The following SNAP47 variants were observed in gnomAD, a reference collection of about 807,000 sequenced individuals.
SNAP47 encodes synaptosome associated protein 47.
SNAP47 carries 20 observed loss-of-function variants against 31.4 expected under a neutral mutation model. The ratio of observed to expected loss-of-function variants is 0.64; its 90% CI spans 0.45 to 0.93. The LOEUF (loss-of-function observed/expected upper bound fraction) is 0.93, where lower values mean the gene tolerates loss of function less well. Ranked by LOEUF, SNAP47 falls within the 40% of genes least tolerant of loss-of-function variation. The pLI, the probability that SNAP47 is intolerant of heterozygous loss-of-function variation, is 0.00. For synonymous variants in SNAP47, 194 were observed against 213.4 expected (o/e 0.91, Z 0.79); for missense variants, 492 against 528.5 (o/e 0.93, Z 0.68).
In SNAP47 at chr1:227,741,936, T is replaced by C. The variant is rs1234202847; in HGVS notation, c.-45-5756T>C. The stretch of plus-strand genomic sequence containing the variant: ...TGTTGTCAAACTTGAATACTTTCCT[T>C]ATATTTATTGTTTAAAATGTGATAA... On this transcript the variant is annotated intron_variant, in intron 1 of 4. Coordinates refer to ENST00000617596, the MANE Select transcript of SNAP47 (RefSeq NM_053052.4). This position sits in a 1 kb window ranked among gnomAD's most constrained non-coding sequence, Gnocchi z 4.2. Among the ~76,000 whole-genome samples the C allele has an allele frequency of 6.6e-6, 1 of 152,186 alleles. No homozygotes were observed. Among genetic ancestry groups the C allele is most frequent in the East Asian group, 1.9e-4 (1 of 5,198 alleles).
intron 1 of SNAP47, among the ~76,000 whole-genome samples, chr1:227,736,807 C>T (rs1199300602): frequency 6.6e-6 from 1 of 150,654 alleles, no homozygotes; most frequent in Non-Finnish European, 1.5e-5. Context: ...CAGGTGTGAG[C>T]CACTGCGCCA....
At chr1:227,751,824 C>T (rs1231742379) in intron 2 of SNAP47, among the ~76,000 whole-genome samples, 3 of 118,946 alleles carry the variant, frequency 2.5e-5, no homozygotes, top group Admixed American at 1.2e-4. Flanking sequence ...AGTGCAGTGG[C>T]GCGATCTCTG....
chr1:227,754,297 C>G (rs905140877), intron 2 of SNAP47, among the ~76,000 whole-genome samples: 3 of 152,200 alleles, frequency 2.0e-5, no homozygotes, highest in Admixed American at 6.5e-5. Flanking sequence ...CTGATGTGCT[C>G]CTCTTGAGGT....
intron 2 of SNAP47, among the ~76,000 whole-genome samples, chr1:227,750,351 G>A (rs879477317): frequency 6.6e-6 from 1 of 152,260 alleles, no homozygotes; most frequent in Non-Finnish European, 1.5e-5. Flanking sequence ...CAGGTTGCAC[G>A]GGGCCTGCCC....
At chr1:227,768,322 C>T (rs911115019) in intron 4 of SNAP47, 11 of 985,292 alleles carry the variant, frequency 1.1e-5, no homozygotes, top group South Asian at 4.7e-5. Context: ...TCTGTGTCCA[C>T]GCAGGGCATG....
intron 2 of SNAP47, among the ~76,000 whole-genome samples, chr1:227,748,439 A>G (rs1662123972): frequency 6.6e-6 from 1 of 152,164 alleles, no homozygotes; most frequent in Non-Finnish European, 1.5e-5. Context: ...TACACGGTAC[A>G]CTCTGCTGGA....
chr1:227,734,047 C>A (rs1386330378), upstream of SNAP47: 1 of 1,610,546 alleles, frequency 6.2e-7, no homozygotes, highest in Non-Finnish European at 8.5e-7. Flanking sequence ...GAGGAGGGCG[C>A]AAGGGCACCA....
In SNAP47 at chr1:227,762,005, GGGCCCCCTTAGTTCA is replaced by G. The variant is rs1237237421; in HGVS notation, c.988+2523_988+2537del. On this transcript the variant is annotated intron_variant, in intron 3 of 4. Transcript: ENST00000617596. This position sits in a 1 kb window ranked among gnomAD's most constrained non-coding sequence, Gnocchi z 4.2. ...CGTCACCCTCCCTGCTCGGCTAGGA[GGGCCCCCTTAGTTCA>G]GGTCACCTGAGTGTGGGTTGTAGCC... 2.0e-5 allele frequency among the ~76,000 whole-genome samples: 3 copies of G among 152,214 alleles called. No homozygotes were observed. The highest frequency in any genetic ancestry group is 4.4e-5 in the Non-Finnish European group (3 of 68,032).
In SNAP47 at chr1:227,762,613, T is replaced by A. The variant is rs1663135355; in HGVS notation, c.988+3128T>A. ...CACGTGTGGCCACAGGGTGGCAGCC[T>A]CGCGACACCGGATGGGCGCTTGTCA... On this transcript the variant is annotated intron_variant, in intron 3 of 4. Coordinates refer to ENST00000617596, the MANE Select transcript of SNAP47 (RefSeq NM_053052.4). The surrounding 1 kb of genome is among the most constrained non-coding windows in gnomAD (Gnocchi z 4.2). 2.6e-5 allele frequency among the ~76,000 whole-genome samples: 4 copies of A among 152,086 alleles called. No homozygotes were observed. Among genetic ancestry groups the A allele is most frequent in the Admixed American group, 2.6e-4 (4 of 15,272 alleles).
chr1:227,773,989 G>A (rs1441432209), intron 4 of SNAP47, among the ~76,000 whole-genome samples: 2 of 152,192 alleles, frequency 1.3e-5, no homozygotes, highest in East Asian at 3.9e-4. Context: ...TGTTTAATTT[G>A]TAAACACTTC....
At chr1:227,749,468 G>A (rs901605085) in intron 2 of SNAP47, among the ~76,000 whole-genome samples, 1 of 152,164 alleles carries the variant, frequency 6.6e-6, no homozygotes, top group African/African-American at 2.4e-5. Flanking sequence ...TTGTGCCTGC[G>A]TGTTGCTGGT....
In SNAP47 at chr1:227,780,649, C is replaced by A. The variant is rs1558220736; in HGVS notation, c.1236C>A (p.Asn412Lys). Reference protein sequence around the residue: ...DRATLTIDKHNRRMKRLT With the variant: ...DRATLTIDKHKRRMKRLT ...CAACCTTGACCATCGACAAGCACAA[C>A]AGGCGGATGAAGAGGCTGACCTAGG... Residue 412 changes from asparagine to lysine, a missense_variant, in exon 5 of 5, where the codon AAC becomes AAA. Physicochemically the swap from Asn to Lys is moderately conservative, Grantham distance 94. Coordinates refer to ENST00000617596, the MANE Select transcript of SNAP47 (RefSeq NM_053052.4). 6.2e-7 allele frequency: 1 copy of A among 1,614,190 alleles called. No homozygotes were observed. Among genetic ancestry groups the A allele is most frequent in the Non-Finnish European group, 8.5e-7 (1 of 1,180,026 alleles).
chr1:227,758,992 C>G lies in SNAP47; in HGVS notation c.498-3C>G. The G allele has an allele frequency of 6.4e-7, 1 of 1,565,822 alleles. No individual in the cohort carries two copies. The highest frequency in any genetic ancestry group is 8.6e-7 in the Non-Finnish European group (1 of 1,159,992). Reference sequence around the variant, plus strand: ...GTTTTCCATGTTTTGTTTGCTTTTTCAGATTGCTGACAGAACTGGAATCTC... The same window carrying G: ...GTTTTCCATGTTTTGTTTGCTTTTTGAGATTGCTGACAGAACTGGAATCTC... On this transcript the variant is annotated splice_region_variant and splice_polypyrimidine_tract_variant and intron_variant, in intron 2 of 4. Transcript: ENST00000617596.
chr1:227,775,716 A>G (rs1415530560), intron 4 of SNAP47: 19 of 1,282,168 alleles, frequency 1.5e-5, no homozygotes, highest in Non-Finnish European at 1.7e-5. Flanking sequence ...CTATTTTTCT[A>G]TATTTATTTT....
At chr1:227,774,159 G>A (rs1165058272) in intron 4 of SNAP47, among the ~76,000 whole-genome samples, 2 of 152,180 alleles carry the variant, frequency 1.3e-5, no homozygotes, top group African/African-American at 2.4e-5. Flanking sequence ...GGGCTCCTGC[G>A]GTTGTAGGTG....
chr1:227,766,109 G>A (rs2102973157), intron 3 of SNAP47, among the ~76,000 whole-genome samples: 1 of 152,276 alleles, frequency 6.6e-6, no homozygotes, highest in Non-Finnish European at 1.5e-5. Flanking sequence ...GATTGAGGAG[G>A]GTACGGGCTC....
chr1:227,771,305 C>T (rs1038473430), intron 4 of SNAP47, among the ~76,000 whole-genome samples: 1 of 152,190 alleles, frequency 6.6e-6, no homozygotes, highest in African/African-American at 2.4e-5. Context: ...AGCTAAGCCG[C>T]CATGTTTGGG....
intron 1 of SNAP47, among the ~76,000 whole-genome samples, chr1:227,729,289 T>C (rs555176892): frequency 6.6e-6 from 1 of 151,934 alleles, no homozygotes; most frequent in South Asian, 2.1e-4. Flanking sequence ...GCTGCTGACT[T>C]TGGGGGTACA....
chr1:227,738,994 G>A (rs1011409229), intron 1 of SNAP47, among the ~76,000 whole-genome samples: 2 of 152,098 alleles, frequency 1.3e-5, no homozygotes, highest in African/African-American at 4.8e-5. Context: ...GTGCCCCCTC[G>A]GGTCAGTGTC....
Sources: gnomAD v4.1 joint callset for allele counts (sites outside exome capture counted in the v4.1 genomes callset) on GRCh38, gnomAD v4.1.1 for gene constraint, Gnocchi (gnomAD v3.1) non-coding constraint, MANE v1.5 for transcripts, NCBI Gene and HGNC (gene_info 2026-07-23, HGNC 2026-07-21) for gene names.